OXR1: variants seen among roughly 807,000 people sequenced by gnomAD.
The protein encoded by OXR1 is oxidation resistance protein 1.
Under a neutral mutation model 104.6 loss-of-function variants are expected in OXR1, and 41 were observed. That is an observed-to-expected ratio of 0.39 (90% confidence interval 0.31 to 0.51). The LOEUF (loss-of-function observed/expected upper bound fraction) is 0.51, where lower values mean the gene tolerates loss of function less well. Ranked by LOEUF, OXR1 falls within the 20% of genes least tolerant of loss-of-function variation. The pLI is 0.77. For missense variants in OXR1, 955 were observed against 1,031.9 expected, an observed-to-expected ratio of 0.93 and a Z score of 1.02; for synonymous variants, 348 against 348.4, an observed-to-expected ratio of 1.00 and a Z score of 0.01.
chr8:106,614,595 T>C (rs1245355146), intron 3 of OXR1, among the ~76,000 whole-genome samples: 1 of 152,174 alleles, frequency 6.6e-6, no homozygotes, highest in African/African-American at 2.4e-5. Flanking sequence ...AGCACAATTA[T>C]AAGATTGATT....
At chr8:106,452,261 A>G (rs1158150448) in intron 2 of OXR1, among the ~76,000 whole-genome samples, 1 of 152,150 alleles carries the variant, frequency 6.6e-6, no homozygotes, top group Non-Finnish European at 1.5e-5. Context: ...ATTCCATTGC[A>G]TTTTCTTAAA....
At chr8:106,493,961 A>G (rs1317342642) in intron 2 of OXR1, among the ~76,000 whole-genome samples, 1 of 152,172 alleles carries the variant, frequency 6.6e-6, no homozygotes, top group Non-Finnish European at 1.5e-5. Context: ...AACCACCCTA[A>G]GCCTCAGTTA....
chr8:106,737,437 C>G, intron 11 of OXR1, 83 bp from the exon 12 acceptor site: 2 of 380,438 alleles, frequency 5.3e-6, no homozygotes, highest in Non-Finnish European at 8.8e-6. Flanking sequence ...TTTAATTTCT[C>G]CTCTTTTTTT....
At chr8:106,355,070 A>T (rs1390855744) in intron 1 of OXR1, among the ~76,000 whole-genome samples, 1 of 152,098 alleles carries the variant, frequency 6.6e-6, no homozygotes, top group African/African-American at 2.4e-5. Context: ...TATTGCACTA[A>T]ATGAGTGACC....
chr8:106,547,288 G>C (rs1815434343), intron 3 of OXR1, among the ~76,000 whole-genome samples: 1 of 152,068 alleles, frequency 6.6e-6, no homozygotes, highest in African/African-American at 2.4e-5. Context: ...GAAACTTTGT[G>C]CCCATTAAAC....
At chr8:106,514,632 C>A (rs1812745943) in intron 2 of OXR1, among the ~76,000 whole-genome samples, 1 of 151,984 alleles carries the variant, frequency 6.6e-6, no homozygotes, top group Non-Finnish European at 1.5e-5. Context: ...ATAAAAAGGG[C>A]AATGAGATGC....
chr8:106,353,846 C>T (rs1214146025), intron 1 of OXR1, among the ~76,000 whole-genome samples: 5 of 150,362 alleles, frequency 3.3e-5, no homozygotes, highest in Admixed American at 6.6e-5. Context: ...TGAACTTATT[C>T]CTCTAGTCTA....
chr8:106,412,202 C>A lies in OXR1; in HGVS notation c.23+52566C>A, dbSNP rs1365034948. Among the ~76,000 whole-genome samples, 4 of 151,708 alleles carry A rather than the reference C, an allele frequency of 2.6e-5. No individual in the cohort carries two copies. In the East Asian group the frequency reaches 7.8e-4, roughly 29 times the overall value. On this transcript the variant is annotated intron_variant, in intron 2 of 16. Coordinates refer to ENST00000517566, the MANE Select transcript of OXR1 (RefSeq NM_001198533.2). ...TTGACCCTCAATTTTTTTTTCTGAT[C>A]ACTTTCACTCTTGACTATATCTGGC...
chr8:106,618,573 C>A (rs1341743341), intron 3 of OXR1, among the ~76,000 whole-genome samples: 1 of 152,090 alleles, frequency 6.6e-6, no homozygotes, highest in Non-Finnish European at 1.5e-5. Context: ...AAGTCCTTAG[C>A]GATTTATTTT....
chr8:106,587,379 C>T (rs1476747894), intron 3 of OXR1, among the ~76,000 whole-genome samples: 1 of 151,900 alleles, frequency 6.6e-6, no homozygotes, highest in Non-Finnish European at 1.5e-5. Flanking sequence ...AAATTATCCT[C>T]TAGGAGAGTA....
chr8:106,710,051 A>G (rs1290372352), intron 9 of OXR1, among the ~76,000 whole-genome samples: 4 of 152,076 alleles, frequency 2.6e-5, no homozygotes, highest in African/African-American at 9.7e-5. Flanking sequence ...CCCTCAGTAT[A>G]CTCTATCAGC....
intron 3 of OXR1, among the ~76,000 whole-genome samples, chr8:106,567,014 A>G (rs183938239): frequency 6.6e-6 from 1 of 152,298 alleles, no homozygotes; most frequent in East Asian, 1.9e-4. Context: ...TACCTAATGT[A>G]GATGATGGTT....
chr8:106,281,007 G>A (rs1812257633), intron 1 of OXR1, among the ~76,000 whole-genome samples: 1 of 152,080 alleles, frequency 6.6e-6, no homozygotes, highest in East Asian at 1.9e-4. Context: ...CTGAGACCCT[G>A]CCCTTAGGAA....
intron 3 of OXR1, among the ~76,000 whole-genome samples, chr8:106,665,809 A>T (rs1160880513): frequency 1.3e-5 from 2 of 152,188 alleles, no homozygotes; most frequent in East Asian, 3.9e-4. Context: ...TAGAGAAAGG[A>T]CAAAAATTGG....
Position 106,688,947 on chromosome 8 carries a change from G to T in OXR1, c.526-3781G>T, listed in dbSNP as rs181391149. Among the ~76,000 whole-genome samples, 251 of 152,224 alleles carry T rather than the reference G, an allele frequency of 1.6e-3. 1 individual carries two copies. The highest frequency in any genetic ancestry group is 0.014 in the Middle Eastern group (4 of 294). On this transcript the variant is annotated intron_variant, in intron 6 of 16. Coordinates refer to ENST00000517566, the MANE Select transcript of OXR1 (RefSeq NM_001198533.2). ...TGTCACAATTTATAGGAACTAGGAA[G>T]TTTGTAGTAAAGAACTGTGTGGAAG...
At chr8:106,507,375 G>A (rs1215812059) in intron 2 of OXR1, among the ~76,000 whole-genome samples, 3 of 152,168 alleles carry the variant, frequency 2.0e-5, no homozygotes, top group African/African-American at 7.2e-5. Context: ...ATAATAAGAA[G>A]GCAAGTGTCG....
intron 1 of OXR1, among the ~76,000 whole-genome samples, chr8:106,333,545 A>G (rs528092289): frequency 1.3e-5 from 2 of 152,192 alleles, no homozygotes; most frequent in East Asian, 3.9e-4. Flanking sequence ...TTATCAAAAA[A>G]TATTTCTCTA....
intron 2 of OXR1, among the ~76,000 whole-genome samples, chr8:106,432,762 T>A (rs1819413747): frequency 6.6e-6 from 1 of 152,150 alleles, no homozygotes; most frequent in South Asian, 2.1e-4. Context: ...GATTATAAAC[T>A]TTGTAAGGTC....
intron 2 of OXR1, among the ~76,000 whole-genome samples, chr8:106,412,945 A>C (rs2130511742): frequency 6.6e-6 from 1 of 152,208 alleles, no homozygotes; most frequent in East Asian, 1.9e-4. Context: ...TTACTGATAC[A>C]TGATACCTTG....
Sources: gnomAD v4.1 joint callset for allele counts (sites outside exome capture counted in the v4.1 genomes callset) on GRCh38, gnomAD v4.1.1 for gene constraint, MANE v1.5 for transcripts, NCBI Gene and HGNC (gene_info 2026-07-23, HGNC 2026-07-21) for gene names.